The following ST3GAL2 variants were observed in gnomAD, a reference collection of about 807,000 sequenced individuals.
The protein encoded by ST3GAL2 is CMP-N-acetylneuraminate-beta-galactosamide-alpha-2,3-sialyltransferase 2.
Under a neutral mutation model 37.5 loss-of-function variants are expected in ST3GAL2, and 16 were observed. The observed-to-expected ratio is 0.43, with a 90% CI of 0.29 to 0.65. ST3GAL2 has a LOEUF of 0.65. Among genes scored for constraint, ST3GAL2 ranks in the 30% least tolerant of loss-of-function variants. The probability of loss-of-function intolerance (pLI) is 0.17; values close to 1 mark genes in which losing one functional copy is unlikely to be tolerated. For synonymous variants in ST3GAL2, 238 were observed against 202.9 expected, an observed-to-expected ratio of 1.17 and a Z score of -1.47; for missense variants, 383 against 487.8, an observed-to-expected ratio of 0.79 and a Z score of 2.02.
intron 3 of ST3GAL2, among the ~76,000 whole-genome samples, chr16:70,390,593 G>T (rs2151659899): frequency 6.6e-6 from 1 of 152,174 alleles, no homozygotes; most frequent in East Asian, 1.9e-4. Flanking sequence ...CCACTCCAAG[G>T]CCAAGAGAAA....
chr16:70,420,297 G>A (rs1597573228), intron 1 of ST3GAL2, among the ~76,000 whole-genome samples: 1 of 152,202 alleles, frequency 6.6e-6, no homozygotes, highest in Admixed American at 6.6e-5. Context: ...GCAAGAGGTA[G>A]GTCATATTAC....
At chr16:70,393,276 C>A (rs1311547067) in intron 3 of ST3GAL2, among the ~76,000 whole-genome samples, 2 of 152,094 alleles carry the variant, frequency 1.3e-5, no homozygotes, top group African/African-American at 4.8e-5. Flanking sequence ...CAGGGTTTCA[C>A]AATGTTGTCC....
At chr16:70,422,798 G>T (rs1480816332) in intron 1 of ST3GAL2, 1 of 152,242 alleles carries the variant, frequency 6.6e-6, no homozygotes, top group African/African-American at 2.4e-5. Flanking sequence ...TTAAGTCAGA[G>T]GCTCAAAGCC....
intron 1 of ST3GAL2, among the ~76,000 whole-genome samples, chr16:70,425,539 G>T (rs1305936253): frequency 6.6e-6 from 1 of 152,070 alleles, no homozygotes; most frequent in Non-Finnish European, 1.5e-5. Context: ...CTTTGCCATA[G>T]TTCTACTGCC....
intron 4 of ST3GAL2, among the ~76,000 whole-genome samples, chr16:70,387,529 T>C (rs1468848573): frequency 1.3e-5 from 2 of 151,994 alleles, no homozygotes; most frequent in African/African-American, 4.8e-5. Context: ...CACTCCAACC[T>C]GGGTAAGAGA....
At chr16:70,434,214 G>A (rs150892095) in intron 1 of ST3GAL2, among the ~76,000 whole-genome samples, 137 of 152,220 alleles carry the variant, frequency 9.0e-4, no homozygotes, top group African/African-American at 3.1e-3. Flanking sequence ...CGAGGCAGGC[G>A]GATCACGAGG....
chr16:70,403,577 G>C (rs999418354), intron 1 of ST3GAL2, among the ~76,000 whole-genome samples: 1 of 152,214 alleles, frequency 6.6e-6, no homozygotes, highest in African/African-American at 2.4e-5. Flanking sequence ...ACTTTGGGAG[G>C]CCGAGGCGGG....
At chr16:70,385,261 A>G (rs1476429785) in intron 4 of ST3GAL2, among the ~76,000 whole-genome samples, 7 of 152,140 alleles carry the variant, frequency 4.6e-5, no homozygotes, top group Non-Finnish European at 8.8e-5. Flanking sequence ...GCGCCATTGC[A>G]CTCCAGCCTG....
At chr16:70,417,719 G>T (rs977806350) in intron 1 of ST3GAL2, among the ~76,000 whole-genome samples, 1 of 152,158 alleles carries the variant, frequency 6.6e-6, no homozygotes, top group Non-Finnish European at 1.5e-5. Flanking sequence ...GTCTCCAGGG[G>T]AGACTTCTGG....
chr16:70,438,884 G>A (rs905214545), intron 1 of ST3GAL2, 65 bp downstream of exon 1: 1 of 152,156 alleles, frequency 6.6e-6, no homozygotes, highest in African/African-American at 2.4e-5. Flanking sequence ...CCGCGCAGGG[G>A]AGGTCTGGGC....
chr16:70,403,160 C>G (rs1170710647), intron 1 of ST3GAL2, among the ~76,000 whole-genome samples: 1 of 151,864 alleles, frequency 6.6e-6, no homozygotes, highest in Non-Finnish European at 1.5e-5. Context: ...TGAGAAATGG[C>G]TGGATGTACT....
intron 1 of ST3GAL2, among the ~76,000 whole-genome samples, chr16:70,427,894 C>T (rs1406291811): frequency 6.6e-6 from 1 of 152,228 alleles, no homozygotes; most frequent in Non-Finnish European, 1.5e-5. Flanking sequence ...ATCTACTAAA[C>T]GGACCCCCTT....
chr16:70,408,820 C>CA (rs1451356862), intron 1 of ST3GAL2, among the ~76,000 whole-genome samples: 1 of 133,210 alleles, frequency 7.5e-6, no homozygotes, highest in Admixed American at 8.7e-5. Context: ...AATAAACTGT[C>CA]AGTCTTCTCT....
At chr16:70,381,967 G>C (rs1208565595) in intron 6 of ST3GAL2, 105 bp from the exon 7 acceptor site, 1 of 1,450,522 alleles carries the variant, frequency 6.9e-7, no homozygotes, top group African/African-American at 1.4e-5. Context: ...GCCCCGGGGA[G>C]ATGCAGGAGC....
chr16:70,383,120 C>T (rs1194927715), intron 5 of ST3GAL2, 70 bp downstream of exon 5: 1 of 1,599,398 alleles, frequency 6.3e-7, no homozygotes, highest in Non-Finnish European at 8.5e-7. Flanking sequence ...AACACCTGAG[C>T]TACAGGACCA....
At chr16:70,383,352 G>T in intron 4 of ST3GAL2, 117 bp from the exon 5 acceptor site, 1 of 907,998 alleles carries the variant, frequency 1.1e-6, no homozygotes, top group Non-Finnish European at 1.6e-6. Flanking sequence ...GGAGTTCGAG[G>T]CCAGCCGGAT....
rs61266247 is a variant in ST3GAL2, at chr16:70,376,512, A to T, written c.*5177T>A. The stretch of plus-strand genomic sequence containing the variant: ...AGCCTCACAGAGGCGGGAGAGGGGG[A>T]CCTCCTCTTGGATTTTGTGGGTTGG... On this transcript the variant is annotated 3_prime_UTR_variant, in exon 7 of 7. Coordinates refer to ENST00000342907, the MANE Select transcript of ST3GAL2 (RefSeq NM_006927.4). The T allele has an allele frequency of 1.3e-5, 2 of 151,598 alleles. No homozygotes were observed. Among genetic ancestry groups the T allele is most frequent in the African/African-American group, 4.9e-5 (2 of 41,234 alleles). The allele number at this position is 151,598 out of a possible 1,614,324, so 9.4% of individuals were successfully genotyped here. A position where few individuals can be genotyped will look rare whatever the true frequency, so the allele number is the denominator to read the frequency against.
At chr16:70,434,586 G>C (rs967665828) in intron 1 of ST3GAL2, among the ~76,000 whole-genome samples, 6 of 152,018 alleles carry the variant, frequency 3.9e-5, no homozygotes, top group African/African-American at 1.5e-4. Context: ...CCTGCTGTCT[G>C]TTTGGGCACA....
At chr16:70,419,008 G>A (rs1042662816) in intron 1 of ST3GAL2, among the ~76,000 whole-genome samples, 1 of 152,264 alleles carries the variant, frequency 6.6e-6, no homozygotes, top group Admixed American at 6.5e-5. Context: ...CGGGCGAGTC[G>A]CACAAAGTGG....
Sources: gnomAD v4.1 joint callset for allele counts (sites outside exome capture counted in the v4.1 genomes callset) on GRCh38, gnomAD v4.1.1 for gene constraint, MANE v1.5 for transcripts, NCBI Gene and HGNC (gene_info 2026-07-23, HGNC 2026-07-21) for gene names.